ZBTB46: variants seen among roughly 807,000 people sequenced by gnomAD.
ZBTB46 encodes zinc finger and BTB domain-containing protein 46.
Under a neutral mutation model 44.1 loss-of-function variants are expected in ZBTB46, and 8 were observed. The ratio of observed to expected loss-of-function variants is 0.18; its 90% CI spans 0.11 to 0.33. ZBTB46 has a LOEUF of 0.33. ZBTB46 is among the 10% of genes least tolerant of loss of function. The probability of loss-of-function intolerance (pLI) is 1.00; values close to 1 mark genes in which losing one functional copy is unlikely to be tolerated. For missense variants in ZBTB46, 651 were observed against 847.7 expected, an observed-to-expected ratio of 0.77 and a Z score of 2.88; for synonymous variants, 409 against 382.3, an observed-to-expected ratio of 1.07 and a Z score of -0.81.
At chr20:63,807,865 G>C (rs535593482) in intron 1 of ZBTB46, among the ~76,000 whole-genome samples, 1 of 152,372 alleles carries the variant, frequency 6.6e-6, no homozygotes, top group South Asian at 2.1e-4. Flanking sequence ...CCGGTGTCTG[G>C]CCTCCGAGGC....
rs1049727656 is a variant in ZBTB46 at position 63,775,920 on chromosome 20, C to T, written c.980G>A (p.Arg327Gln). 1.9e-6 allele frequency: 3 copies of T among 1,595,428 alleles called. No homozygotes were observed. Among genetic ancestry groups the T allele is most frequent in the East Asian group, 2.2e-5 (1 of 44,734 alleles). ...SVTEASSSDSRGERAELYAQV... is the reference protein window; with the variant it reads ...SVTEASSSDSQGERAELYAQV... The stretch of plus-strand genomic sequence containing the variant: ...TGCATAGAGCTCGGCCCTCTCTCCT[C>T]GGCTGTCGGAGCTGCTGGCTTCGGT... Residue 327 changes from arginine to glutamine, a missense_variant, in exon 3 of 5, where the codon CGA (arginine) becomes CAA (glutamine). Physicochemically the swap from Arg to Gln is conservative, Grantham distance 43. Transcript: ENST00000245663.
intron 4 of ZBTB46, among the ~76,000 whole-genome samples, chr20:63,748,807 G>A (rs2092130269): frequency 6.6e-6 from 1 of 152,228 alleles, no homozygotes; most frequent in African/African-American, 2.4e-5. Flanking sequence ...TGTGAGTTTA[G>A]CTCTTCCTTA....
At chr20:63,820,880 C>G (rs2092788122) in intron 1 of ZBTB46, among the ~76,000 whole-genome samples, 2 of 151,200 alleles carry the variant, frequency 1.3e-5, no homozygotes, top group African/African-American at 4.9e-5. Flanking sequence ...AGGTGTCTGC[C>G]CCCATGCATG....
intron 1 of ZBTB46, among the ~76,000 whole-genome samples, chr20:63,799,835 C>T (rs752776813): frequency 6.6e-6 from 1 of 152,132 alleles, no homozygotes; most frequent in African/African-American, 2.4e-5. Flanking sequence ...CTCGAGGACA[C>T]GAGCACCTGG....
intron 3 of ZBTB46, among the ~76,000 whole-genome samples, chr20:63,766,358 G>T (rs1037066819): frequency 6.6e-6 from 1 of 151,784 alleles, no homozygotes; most frequent in African/African-American, 2.4e-5. Context: ...TGGGATTACA[G>T]GCGCCCGCCA....
chr20:63,797,380 A>G (rs1315266705), intron 1 of ZBTB46, among the ~76,000 whole-genome samples: 2 of 151,770 alleles, frequency 1.3e-5, no homozygotes, highest in East Asian at 1.9e-4. Flanking sequence ...CATGTGCCAC[A>G]TTTTCTTAAT....
chr20:63,759,718 C>T (rs1039396030), intron 3 of ZBTB46, among the ~76,000 whole-genome samples: 3 of 152,162 alleles, frequency 2.0e-5, no homozygotes, highest in Non-Finnish European at 4.4e-5. Flanking sequence ...GTCTGTGTAT[C>T]GTTCCCGTGC....
chr20:63,828,648 C>G (rs2092832222), intron 1 of ZBTB46, among the ~76,000 whole-genome samples: 1 of 152,254 alleles, frequency 6.6e-6, no homozygotes, highest in African/African-American at 2.4e-5. Context: ...GGCAAGAACA[C>G]GAAGTCCCCA....
intron 1 of ZBTB46, among the ~76,000 whole-genome samples, chr20:63,813,655 T>C (rs2092730694): frequency 1.3e-5 from 2 of 151,974 alleles, no homozygotes; most frequent in Admixed American, 1.3e-4. Flanking sequence ...AGGTAGGAAG[T>C]GTCACAGAAC....
At chr20:63,788,707 C>T (rs1468726167) in intron 2 of ZBTB46, among the ~76,000 whole-genome samples, 2 of 152,036 alleles carry the variant, frequency 1.3e-5, no homozygotes, top group East Asian at 2.0e-4. Flanking sequence ...GGCGTGGTGG[C>T]ACGTGCCTGT....
intron 2 of ZBTB46, among the ~76,000 whole-genome samples, chr20:63,776,531 C>T (rs545836883): frequency 9.2e-5 from 14 of 152,304 alleles, no homozygotes; most frequent in African/African-American, 3.4e-4. Flanking sequence ...ACGCCGGGTG[C>T]GGTGGCTCAA....
At chr20:63,802,106 A>G (rs6011125) in intron 1 of ZBTB46, among the ~76,000 whole-genome samples, 27,342 of 151,964 alleles carry the variant, frequency 0.18, 2,998 homozygotes, top group East Asian at 0.45. Context: ...GAAATAGGTC[A>G]TTGCAGATGC....
At chr20:63,832,653 G>A (rs1203409825), upstream of ZBTB46, among the ~76,000 whole-genome samples, 6 of 152,088 alleles carry the variant, frequency 3.9e-5, no homozygotes, top group Non-Finnish European at 8.8e-5. The surrounding 1 kb of genome is among the most constrained non-coding windows in gnomAD (Gnocchi z 5.0). Context: ...CGGACACCCC[G>A]TTCCCATCCC....
chr20:63,755,068 T>C (rs1208983727), intron 3 of ZBTB46, among the ~76,000 whole-genome samples: 1 of 152,336 alleles, frequency 6.6e-6, no homozygotes, highest in South Asian at 2.1e-4. Flanking sequence ...AAAAACAACT[T>C]AGAATGGACA....
chr20:63,808,625 C>A (rs1006019515), intron 1 of ZBTB46, among the ~76,000 whole-genome samples: 2 of 152,164 alleles, frequency 1.3e-5, no homozygotes, highest in Non-Finnish European at 2.9e-5. Flanking sequence ...GAGCCTCCCC[C>A]AGAGAAGGCC....
chr20:63,815,530 ACAGGTCCAGTGGGTG>A (rs1283183505), intron 1 of ZBTB46, among the ~76,000 whole-genome samples: 2 of 101,288 alleles, frequency 2.0e-5, no homozygotes, highest in Admixed American at 2.2e-4. Context: ...GCAGGTGGGC[ACAGGTCCAGTGGGTG>A]CAGGTGCAGT....
At chr20:63,786,985 T>C (rs1010266702) in intron 2 of ZBTB46, among the ~76,000 whole-genome samples, 1 of 152,140 alleles carries the variant, frequency 6.6e-6, no homozygotes, top group South Asian at 2.1e-4. Context: ...GGTCTGGCCG[T>C]AGCTCAGTGC....
In ZBTB46 at chr20:63,787,724, C is replaced by T. The variant is rs1206518100; in HGVS notation, c.937+2097G>A. 3.9e-5 allele frequency: 6 copies of T among 152,258 alleles called. No individual in the cohort carries two copies. The highest frequency in any genetic ancestry group is 4.4e-5 in the Non-Finnish European group (3 of 68,054). The allele number at this position is 152,258 out of a possible 1,614,324, so 9.4% of individuals were successfully genotyped here. On this transcript the variant is annotated intron_variant, in intron 2 of 4. Transcript: ENST00000245663. The surrounding 1 kb of genome is among the most constrained non-coding windows in gnomAD (Gnocchi z 4.6). ...ATCCCTGTCATCAAGCAACGCGTGACTTTAATGCCAGTGAAATGTACATTT... is the reference window on the plus strand; with the variant it reads ...ATCCCTGTCATCAAGCAACGCGTGATTTTAATGCCAGTGAAATGTACATTT...
At chr20:63,789,766 G>GT in intron 2 of ZBTB46, 55 bp downstream of exon 2, 1 of 1,553,386 alleles carries the variant, frequency 6.4e-7, no homozygotes, top group Non-Finnish European at 8.7e-7. Context: ...GCACGCGGCC[G>GT]TGAGGCCTGG....
Sources: allele counts gnomAD v4.1 joint callset (sites outside exome capture counted in the v4.1 genomes callset), GRCh38; gene constraint gnomAD v4.1.1; non-coding constraint Gnocchi (gnomAD v3.1); transcripts MANE v1.5; gene names NCBI Gene and HGNC (gene_info 2026-07-23, HGNC 2026-07-21).